The following ARHGAP15 variants were observed in gnomAD, a reference collection of about 807,000 sequenced individuals.
The protein encoded by ARHGAP15 is rho GTPase-activating protein 15.
ARHGAP15 carries 51 observed loss-of-function variants against 63.7 expected under a neutral mutation model. That is an observed-to-expected ratio of 0.80 (90% CI 0.64 to 1.01). ARHGAP15 has a LOEUF of 1.01. Ranked by LOEUF, ARHGAP15 falls within the 50% of genes least tolerant of loss-of-function variation. The probability of loss-of-function intolerance (pLI) is 0.00; values close to 1 mark genes in which losing one functional copy is unlikely to be tolerated. For missense variants in ARHGAP15, 560 were observed against 564.6 expected, an observed-to-expected ratio of 0.99 and a Z score of 0.08; for synonymous variants, 191 against 193.8, an observed-to-expected ratio of 0.99 and a Z score of 0.12.
intron 11 of ARHGAP15, among the ~76,000 whole-genome samples, chr2:143,615,953 G>C (rs1008779202): frequency 9.9e-5 from 15 of 152,272 alleles, no homozygotes; most frequent in African/African-American, 3.6e-4. Flanking sequence ...TAAGAACAGA[G>C]TTGGAAGCTC....
At chr2:143,188,959 T>C (rs1003139103) in intron 2 of ARHGAP15, among the ~76,000 whole-genome samples, 1 of 152,062 alleles carries the variant, frequency 6.6e-6, no homozygotes, top group African/African-American at 2.4e-5. Flanking sequence ...TTTTTTCCCT[T>C]GGTCAAATCC....
chr2:143,175,187 T>C (rs1388837440), intron 2 of ARHGAP15, among the ~76,000 whole-genome samples: 1 of 152,092 alleles, frequency 6.6e-6, no homozygotes, highest in Non-Finnish European at 1.5e-5. Context: ...CAAGGGCTCC[T>C]AAACCAATGA....
At chr2:143,474,682 A>G (rs1381480531) in intron 8 of ARHGAP15, among the ~76,000 whole-genome samples, 4 of 152,342 alleles carry the variant, frequency 2.6e-5, no homozygotes, top group South Asian at 2.1e-4. Flanking sequence ...TAACCAAATG[A>G]TTTAAACAAT....
intron 11 of ARHGAP15, among the ~76,000 whole-genome samples, chr2:143,605,809 T>A (rs1697971064): frequency 7.2e-6 from 1 of 138,608 alleles, no homozygotes; most frequent in African/African-American, 2.6e-5. Flanking sequence ...AGCTCAGGAG[T>A]TCGCGAACAG....
chr2:143,488,788 A>G (rs1181331781), intron 9 of ARHGAP15, among the ~76,000 whole-genome samples: 1 of 152,234 alleles, frequency 6.6e-6, no homozygotes, highest in Non-Finnish European at 1.5e-5. Flanking sequence ...AACCAATTGT[A>G]GAAGGTGAAA....
chr2:143,336,215 C>T (rs1027697137), intron 6 of ARHGAP15, among the ~76,000 whole-genome samples: 7 of 151,966 alleles, frequency 4.6e-5, no homozygotes, highest in Non-Finnish European at 8.8e-5. Flanking sequence ...CGCCATGTTG[C>T]CCAGCCTCCA....
intron 6 of ARHGAP15, among the ~76,000 whole-genome samples, chr2:143,283,001 C>A (rs768541386): frequency 3.3e-5 from 5 of 152,056 alleles, no homozygotes; most frequent in Non-Finnish European, 7.4e-5. Flanking sequence ...CATTGTTTTC[C>A]GTGAAAGCTA....
At chr2:143,377,474 G>C (rs1288182909) in intron 6 of ARHGAP15, among the ~76,000 whole-genome samples, 2 of 151,594 alleles carry the variant, frequency 1.3e-5, no homozygotes, top group Non-Finnish European at 2.9e-5. Flanking sequence ...TATTACATAA[G>C]AGTTACATAT....
At chr2:143,470,754 T>C (rs1293533806) in intron 8 of ARHGAP15, among the ~76,000 whole-genome samples, 2 of 149,718 alleles carry the variant, frequency 1.3e-5, no homozygotes, top group African/African-American at 4.9e-5. Context: ...AGGTGATTGG[T>C]TACACTTCTT....
chr2:143,554,797 G>A (rs1031123712), intron 10 of ARHGAP15, among the ~76,000 whole-genome samples: 12 of 152,204 alleles, frequency 7.9e-5, no homozygotes, highest in African/African-American at 1.9e-4. Flanking sequence ...AGCAGAAATT[G>A]TACTTTAAAA....
intron 6 of ARHGAP15, among the ~76,000 whole-genome samples, chr2:143,254,976 T>C (rs1237978703): frequency 6.6e-6 from 1 of 152,146 alleles, no homozygotes; most frequent in Non-Finnish European, 1.5e-5. Context: ...CTGGGTCTTT[T>C]TCATTACAGG....
chr2:143,477,714 A>T (rs749685187), intron 8 of ARHGAP15, among the ~76,000 whole-genome samples: 1 of 152,208 alleles, frequency 6.6e-6, no homozygotes, highest in Non-Finnish European at 1.5e-5. Context: ...CACACTTGAA[A>T]AAAAGGAAGA....
intron 13 of ARHGAP15, among the ~76,000 whole-genome samples, chr2:143,761,610 G>T (rs1686762165): frequency 6.6e-6 from 1 of 152,124 alleles, no homozygotes. Context: ...GTATATTAAA[G>T]TTTTCTTTCA....
At chr2:143,585,733 ATTC>A (rs1277449367) in intron 11 of ARHGAP15, among the ~76,000 whole-genome samples, 16 of 152,200 alleles carry the variant, frequency 1.1e-4, no homozygotes, top group African/African-American at 3.1e-4. Flanking sequence ...TAGTACAATT[ATTC>A]TTCCTTCCAG....
intron 6 of ARHGAP15, among the ~76,000 whole-genome samples, chr2:143,356,423 T>C (rs1487220260): frequency 6.6e-6 from 1 of 152,134 alleles, no homozygotes; most frequent in African/African-American, 2.4e-5. Context: ...TCCCCCACCA[T>C]GATCTTTTAT....
chr2:143,345,751 G>A (rs1232014590), intron 6 of ARHGAP15, among the ~76,000 whole-genome samples: 2 of 152,090 alleles, frequency 1.3e-5, no homozygotes, highest in Admixed American at 1.3e-4. Flanking sequence ...ATTTGTGTTT[G>A]CAAGGTGTAT....
intron 9 of ARHGAP15, among the ~76,000 whole-genome samples, chr2:143,493,002 G>A (rs1010480935): frequency 6.6e-6 from 1 of 151,896 alleles, no homozygotes; most frequent in Non-Finnish European, 1.5e-5. Context: ...AGCTTGCAGT[G>A]AGCCGAGAAT....
intron 6 of ARHGAP15, among the ~76,000 whole-genome samples, chr2:143,318,581 G>A (rs1683842979): frequency 9.6e-6 from 1 of 103,894 alleles, no homozygotes; most frequent in African/African-American, 3.7e-5. Flanking sequence ...ATATTCAAAA[G>A]CAACTTTCGT....
intron 1 of ARHGAP15, among the ~76,000 whole-genome samples, chr2:143,137,742 T>C (rs1177971016): frequency 6.6e-6 from 1 of 152,080 alleles, no homozygotes; most frequent in Non-Finnish European, 1.5e-5. Context: ...AGAACATCTC[T>C]TTAAAAGAGC....
Sources: gnomAD v4.1 joint callset for allele counts (sites outside exome capture counted in the v4.1 genomes callset) on GRCh38, gnomAD v4.1.1 for gene constraint, MANE v1.5 for transcripts, NCBI Gene and HGNC (gene_info 2026-07-23, HGNC 2026-07-21) for gene names.